The following MLLT1 variants were observed in gnomAD, a reference collection of about 807,000 sequenced individuals.
The protein encoded by MLLT1 is MLLT1 super elongation complex subunit.
MLLT1 carries 11 observed loss-of-function variants against 55.1 expected under a neutral mutation model. That is an observed-to-expected ratio of 0.20 (90% confidence interval 0.13 to 0.33). The LOEUF is 0.33. Among genes scored for constraint, MLLT1 ranks in the 10% least tolerant of loss-of-function variants. MLLT1 has a pLI of 1.00. For missense variants in MLLT1, 536 were observed against 760.6 expected, an observed-to-expected ratio of 0.70 and a Z score of 3.47; for synonymous variants, 323 against 320.1, an observed-to-expected ratio of 1.01 and a Z score of -0.10.
rs142646201 is a variant in MLLT1 at position 6,229,135 on chromosome 19, G to A, written c.420+1435C>T. Among the ~76,000 whole-genome samples, 380 of 152,274 alleles carry A rather than the reference G, an allele frequency of 2.5e-3. 2 individuals carry two copies. The highest frequency in any genetic ancestry group is 4.7e-3 in the Non-Finnish European group (319 of 68,020). On this transcript the variant is annotated intron_variant, in intron 4 of 11. Coordinates refer to ENST00000252674, the MANE Select transcript of MLLT1 (RefSeq NM_005934.4). This position sits in a 1 kb window ranked among gnomAD's most constrained non-coding sequence, Gnocchi z 5.2. Reference sequence around the variant, plus strand: ...ACGCCACCACGGAACCTCCGGGGACGCCCAAAAACACCTACTGCAAACGTG... The same window carrying A: ...ACGCCACCACGGAACCTCCGGGGACACCCAAAAACACCTACTGCAAACGTG...
Position 6,212,947 on chromosome 19 carries a change from T to G in MLLT1, c.*95A>C, listed in dbSNP as rs2090795159. ...GAGGACAGGGCTGTCGCTAAGGCAG[T>G]GCTGCGGGCAGGCGAGACGGGAGAG... On this transcript the variant is annotated 3_prime_UTR_variant, in exon 12 of 12. Transcript: ENST00000252674. 3 of 1,487,262 alleles carry G rather than the reference T, an allele frequency of 2.0e-6. No homozygotes were observed. The allele number at this position is 1,487,262 out of a possible 1,614,324, so 92.1% of individuals were successfully genotyped here.
chr19:6,228,206 C>T lies in MLLT1; in HGVS notation c.421-1104G>A, dbSNP rs3787064. 8.3e-3 allele frequency among the ~76,000 whole-genome samples: 1,268 copies of T among 152,306 alleles called. 62 individuals are homozygous for T. In the East Asian group the frequency reaches 0.13, roughly 16 times the overall value. On this transcript the variant is annotated intron_variant, in intron 4 of 11. Coordinates refer to ENST00000252674, the MANE Select transcript of MLLT1 (RefSeq NM_005934.4). ...TCCACACTCTGGAGCACGCACATCA[C>T]GCAAGCTCACGGAGGAGCCACAGAA...
intron 3 of MLLT1, among the ~76,000 whole-genome samples, chr19:6,244,129 C>G (rs1274304199): frequency 6.6e-6 from 1 of 151,586 alleles, no homozygotes; most frequent in African/African-American, 2.4e-5. Context: ...CCGTGACACA[C>G]TCATAGCACC....
In MLLT1 at chr19:6,216,446, G is replaced by T. The variant is rs1389967985; in HGVS notation, c.1266C>A (p.Gly422=). ...EESDEDDSSS[G]EEAAGKTNPG... ...GGTTGGTCTTGCCGGCAGCCTCCTC[G>T]CCTGACGAAGAGTCGTCCTCGTCGG... The change falls in exon 8 of 12, where the codon GGC becomes GGA. Residue 422 remains glycine (G), a synonymous_variant. Transcript: ENST00000252674. The T allele has an allele frequency of 6.2e-7, 1 of 1,609,844 alleles. No individual in the cohort carries two copies. The highest frequency in any genetic ancestry group is 1.7e-5 in the Admixed American group (1 of 59,734).
At chr19:6,248,970 C>T (rs1047850607) in intron 3 of MLLT1, among the ~76,000 whole-genome samples, 4 of 152,156 alleles carry the variant, frequency 2.6e-5, no homozygotes, top group South Asian at 2.1e-4. Context: ...GAACCATACT[C>T]GGTTCAGTAA....
Position 6,270,688 on chromosome 19 carries a change from G to A in MLLT1, c.84C>T (p.Phe28=), listed in dbSNP as rs761563098. 9 of 1,614,106 alleles carry A rather than the reference G, an allele frequency of 5.6e-6. No homozygotes were observed. Among genetic ancestry groups the A allele is most frequent in the Non-Finnish European group, 7.6e-6 (9 of 1,180,002 alleles). Residue 28 remains phenylalanine, a synonymous_variant, in exon 2 of 12, where the codon TTC becomes TTT. Transcript: ENST00000252674. This position sits in a 1 kb window ranked among gnomAD's most constrained non-coding sequence, Gnocchi z 7.1. ...QLRKKPTTEG[F]THDWMVFVRG... ...GGACAAACACCATCCAGTCGTGAGT[G>A]AACCCCTCCGTGGTGGGCTTCTTGC...
Position 6,264,374 on chromosome 19 carries a change from T to C in MLLT1, c.194-2064A>G, listed in dbSNP as rs183888613. 5.8e-3 allele frequency among the ~76,000 whole-genome samples: 875 copies of C among 151,954 alleles called. 4 individuals carry two copies. Among genetic ancestry groups the C allele is most frequent in the Middle Eastern group, 0.014 (4 of 294 alleles). Reference sequence around the variant, plus strand: ...GGAAACCAGACCCCGAGGAAGGCCTTACTCATTAGGAAATCAGGAGGCCCG... The same window carrying C: ...GGAAACCAGACCCCGAGGAAGGCCTCACTCATTAGGAAATCAGGAGGCCCG... On this transcript the variant is annotated intron_variant, in intron 2 of 11. Coordinates refer to ENST00000252674, the MANE Select transcript of MLLT1 (RefSeq NM_005934.4).
chr19:6,242,033 A>G (rs189898191), intron 3 of MLLT1, among the ~76,000 whole-genome samples: 25 of 152,302 alleles, frequency 1.6e-4, no homozygotes, highest in African/African-American at 5.8e-4. Flanking sequence ...TGCTTGCAGA[A>G]GCGTTGCTCC....
At chr19:6,242,035 C>T (rs1418062198) in intron 3 of MLLT1, among the ~76,000 whole-genome samples, 3 of 152,188 alleles carry the variant, frequency 2.0e-5, no homozygotes, top group South Asian at 2.1e-4. Context: ...CTTGCAGAAG[C>T]GTTGCTCCGC....
At position 6,212,152 on chromosome 19, in the gene MLLT1, TGTCC is replaced by T; in HGVS notation, c.*886_*889del. On this transcript the variant is annotated 3_prime_UTR_variant, in exon 12 of 12. Transcript: ENST00000252674. ...AGCCCCAGGGCGGCTGATGCGAGTC[TGTCC>T]GCGGAGACTGTTGGCGCTAGTCTGA... The T allele has an allele frequency of 9.4e-7, 1 of 1,066,178 alleles. No individual in the cohort carries two copies. Among genetic ancestry groups the T allele is most frequent in the Non-Finnish European group, 1.1e-6 (1 of 879,558 alleles). 66.0% of individuals were successfully genotyped at this position (1,066,178 alleles called of 1,614,324 possible).
Position 6,227,824 on chromosome 19 carries a change from G to A in MLLT1, c.421-722C>T, listed in dbSNP as rs967734849. On this transcript the variant is annotated intron_variant, in intron 4 of 11. Coordinates refer to ENST00000252674, the MANE Select transcript of MLLT1 (RefSeq NM_005934.4). The surrounding 1 kb of genome is among the most constrained non-coding windows in gnomAD (Gnocchi z 5.1). ...ACACCTGCTGTGCAGGGGGAAGCTC[G>A]GAGCAAGGTCTTGAGATATCAACAC... 2.0e-5 allele frequency among the ~76,000 whole-genome samples: 3 copies of A among 152,152 alleles called. No homozygotes were observed. The highest frequency in any genetic ancestry group is 6.5e-5 in the Admixed American group (1 of 15,280).
rs2091313026 is a variant in MLLT1 at position 6,262,391 on chromosome 19, C to T, written c.194-81G>A. On this transcript the variant is annotated intron_variant, in intron 2 of 11. Coordinates refer to ENST00000252674, the MANE Select transcript of MLLT1 (RefSeq NM_005934.4). This position sits in a 1 kb window ranked among gnomAD's most constrained non-coding sequence, Gnocchi z 4.4. ...CTGCCAGCGGCAGTACCGCACCCCTCAACCCCACCACCTCCTCACAGGGGC... is the reference window on the plus strand; with the variant it reads ...CTGCCAGCGGCAGTACCGCACCCCTTAACCCCACCACCTCCTCACAGGGGC... 8.4e-6 allele frequency: 10 copies of T among 1,193,926 alleles called. No individual in the cohort carries two copies. Among genetic ancestry groups the T allele is most frequent in the Non-Finnish European group, 1.2e-5 (10 of 818,754 alleles). 74.0% of individuals were successfully genotyped at this position (1,193,926 alleles called of 1,614,324 possible). A position where few individuals can be genotyped will look rare whatever the true frequency, so the allele number is the denominator to read the frequency against.
chr19:6,215,212 C>T (rs745595180), intron 8 of MLLT1, among the ~76,000 whole-genome samples: 9 of 152,238 alleles, frequency 5.9e-5, no homozygotes, highest in Non-Finnish European at 1.0e-4. Context: ...AGGGCCCACA[C>T]AAACGTTCCG....
Position 6,273,701 on chromosome 19 carries a change from T to C in MLLT1, c.13-2942A>G, listed in dbSNP as rs951241451. Reference sequence around the variant, plus strand: ...GGGAGCATTACAGGTGAAAACTAAATGTACATATACATCATGGGAACAGCA... The same window carrying C: ...GGGAGCATTACAGGTGAAAACTAAACGTACATATACATCATGGGAACAGCA... On this transcript the variant is annotated intron_variant, in intron 1 of 11. Coordinates refer to ENST00000252674, the MANE Select transcript of MLLT1 (RefSeq NM_005934.4). This position sits in a 1 kb window ranked among gnomAD's most constrained non-coding sequence, Gnocchi z 4.3. Among the ~76,000 whole-genome samples, 81 of 152,158 alleles carry C rather than the reference T, an allele frequency of 5.3e-4. No homozygotes were observed. The highest frequency in any genetic ancestry group is 1.8e-3 in the African/African-American group (75 of 41,438).
At chr19:6,277,766 C>G (rs2091434938) in intron 1 of MLLT1, among the ~76,000 whole-genome samples, 1 of 152,210 alleles carries the variant, frequency 6.6e-6, no homozygotes, top group South Asian at 2.1e-4. Context: ...CCCTATGCCT[C>G]TGTGTGCCCA....
Position 6,226,486 on chromosome 19 carries a change from C to A in MLLT1, c.546+491G>T, listed in dbSNP as rs571921522. 5.3e-5 allele frequency among the ~76,000 whole-genome samples: 8 copies of A among 152,256 alleles called. No individual in the cohort carries two copies. The East Asian group carries it at 1.6e-3, about 30-fold the overall frequency. On this transcript the variant is annotated intron_variant, in intron 5 of 11. Coordinates refer to ENST00000252674, the MANE Select transcript of MLLT1 (RefSeq NM_005934.4). The surrounding 1 kb of genome is among the most constrained non-coding windows in gnomAD (Gnocchi z 6.3). ...CTTCCACACTGAAATTCAGCTGGCA[C>A]CCACCTGGCTTCCCCTGCCCTTCCC...
At chr19:6,228,855 C>T (rs769951785) in intron 4 of MLLT1, among the ~76,000 whole-genome samples, 2 of 152,154 alleles carry the variant, frequency 1.3e-5, no homozygotes, top group African/African-American at 2.4e-5. Flanking sequence ...GAGGGCAGAG[C>T]GCCCAGCGCC....
rs184731372 is a variant in MLLT1, at chr19:6,273,879, G to A, written c.13-3120C>T. ...GACAGGGAGTTCCTACCCAGGGCACGCAGGCGGCAGAGCAGTTATTGTGAA... is the reference window on the plus strand; with the variant it reads ...GACAGGGAGTTCCTACCCAGGGCACACAGGCGGCAGAGCAGTTATTGTGAA... On this transcript the variant is annotated intron_variant, in intron 1 of 11. Coordinates refer to ENST00000252674, the MANE Select transcript of MLLT1 (RefSeq NM_005934.4). The surrounding 1 kb of genome is among the most constrained non-coding windows in gnomAD (Gnocchi z 4.3). 9.8e-4 allele frequency among the ~76,000 whole-genome samples: 149 copies of A among 152,350 alleles called. No homozygotes were observed. Among genetic ancestry groups the A allele is most frequent in the South Asian group, 3.9e-3 (19 of 4,828 alleles).
intron 3 of MLLT1, among the ~76,000 whole-genome samples, chr19:6,238,960 C>T (rs2091089288): frequency 6.6e-6 from 1 of 152,264 alleles, no homozygotes; most frequent in South Asian, 2.1e-4. Context: ...CCCGCCACGC[C>T]TTAGTCAGTC....
Sources: gnomAD v4.1 joint callset for allele counts (sites outside exome capture counted in the v4.1 genomes callset) on GRCh38, gnomAD v4.1.1 for gene constraint, Gnocchi (gnomAD v3.1) non-coding constraint, MANE v1.5 for transcripts, NCBI Gene and HGNC (gene_info 2026-07-23, HGNC 2026-07-21) for gene names.